The following EAF1 variants were observed in gnomAD, a reference collection of about 807,000 sequenced individuals.
The protein encoded by EAF1 is ELL-associated factor 1.
EAF1 carries 19 observed loss-of-function variants against 26.6 expected under a neutral mutation model. The ratio of observed to expected loss-of-function variants is 0.71; its 90% confidence interval spans 0.50 to 1.05. The LOEUF (loss-of-function observed/expected upper bound fraction) is 1.05, where lower values mean the gene tolerates loss of function less well. Among genes scored for constraint, EAF1 ranks in the 50% least tolerant of loss-of-function variants. EAF1 has a pLI of 0.00. For missense variants in EAF1, 260 were observed against 335.5 expected (o/e 0.78, Z 1.76); for synonymous variants, 102 against 120.6 (o/e 0.85, Z 1.01).
rs112439155 is a variant in EAF1 at position 15,436,919 on chromosome 3, A to G, written c.760+344A>G. 6.3e-3 allele frequency among the ~76,000 whole-genome samples: 962 copies of G among 152,242 alleles called. 7 individuals carry two copies. Among genetic ancestry groups the G allele is most frequent in the African/African-American group, 0.022 (903 of 41,540 alleles). On this transcript the variant is annotated intron_variant, in intron 5 of 5. Transcript: ENST00000396842. ...GCCCATTGGTCTTTTTTCTGGAGAC[A>G]GAGTCTCACTCTGTCGCCCAGGCTG...
In EAF1 at chr3:15,440,268, C is replaced by T. The variant is rs1427295010; in HGVS notation, c.*1113C>T. On this transcript the variant is annotated 3_prime_UTR_variant, in exon 6 of 6. Transcript: ENST00000396842. ...TGTACCACTGTTTTGTACCTGACTC[C>T]CTGACCGATTTGTATTTTTTATATA... 6.6e-6 allele frequency: 1 copy of T among 152,100 alleles called. No homozygotes were observed. Among genetic ancestry groups the T allele is most frequent in the Non-Finnish European group, 1.5e-5 (1 of 68,020 alleles). 9.4% of individuals were successfully genotyped at this position (152,100 alleles called of 1,614,324 possible).
rs17041129 is a variant in EAF1, at chr3:15,439,219, C to T, written c.*64C>T. 79,430 of 1,538,086 alleles carry T rather than the reference C, an allele frequency of 0.052. 2,402 individuals are homozygous for T. Among genetic ancestry groups the T allele is most frequent in the African/African-American group, 0.13 (9,152 of 73,040 alleles). The stretch of plus-strand genomic sequence containing the variant: ...ATGCCGCAAGACTGAGCTACTTTGG[C>T]GTGGAGTCCATTGCAAGAGGAAAAT... On this transcript the variant is annotated 3_prime_UTR_variant, in exon 6 of 6. Coordinates refer to ENST00000396842, the MANE Select transcript of EAF1 (RefSeq NM_033083.7).
chr3:15,433,461 G>T lies in EAF1; in HGVS notation c.336-887G>T, dbSNP rs2061814442. ...GGAACTAACAGTATCATATTACCTA[G>T]ATGATATGCAGAATCTCAACACCTA... On this transcript the variant is annotated intron_variant, in intron 3 of 5. Transcript: ENST00000396842. Among the ~76,000 whole-genome samples the T allele has an allele frequency of 1.3e-5, 2 of 152,162 alleles. 1 individual carries two copies. Among genetic ancestry groups the T allele is most frequent in the South Asian group, 4.1e-4 (2 of 4,832 alleles).
At chr3:15,431,878 C>T (rs550517452) in intron 2 of EAF1, among the ~76,000 whole-genome samples, 3 of 152,308 alleles carry the variant, frequency 2.0e-5, no homozygotes, top group East Asian at 3.9e-4. Flanking sequence ...TTACTTAGAA[C>T]GCGTTGCACA....
rs781773646 is a variant in EAF1, at chr3:15,429,934, T to C, written c.125T>C (p.Ile42Thr). The C allele has an allele frequency of 3.1e-6, 5 of 1,613,512 alleles. No homozygotes were observed. The South Asian group carries it at 4.4e-5, about 14-fold the overall frequency. The change falls in exon 2 of 6, where the codon ATA becomes ACA. Residue 42 changes from isoleucine to threonine, a missense_variant. By Grantham distance (89) the Ile-to-Thr change is moderately conservative. Coordinates refer to ENST00000396842, the MANE Select transcript of EAF1 (RefSeq NM_033083.7). ...TTAGATGATTTTAAACCAGCATCTATAGACACTTCCTGTGAAGGAGAGCTT... is the reference window on the plus strand; with the variant it reads ...TTAGATGATTTTAAACCAGCATCTACAGACACTTCCTGTGAAGGAGAGCTT... ...TIRYDFKPAS[I>T]DTSCEGELQV...
chr3:15,433,397 A>C (rs1196687768), intron 3 of EAF1, among the ~76,000 whole-genome samples: 1 of 152,032 alleles, frequency 6.6e-6, no homozygotes, highest in Non-Finnish European at 1.5e-5. Flanking sequence ...CCAATATCTG[A>C]TGGTTGTGGT....
chr3:15,437,682 C>T (rs2061843707), intron 5 of EAF1, among the ~76,000 whole-genome samples: 1 of 152,138 alleles, frequency 6.6e-6, no homozygotes, highest in Non-Finnish European at 1.5e-5. Context: ...ATTTTCTATG[C>T]TTTTCTCTTT....
chr3:15,431,318 G>C (rs1253382374), intron 2 of EAF1, among the ~76,000 whole-genome samples: 2 of 152,186 alleles, frequency 1.3e-5, no homozygotes, highest in African/African-American at 4.8e-5. Context: ...ATCAGGGACA[G>C]CTTCCTTAAG....
At chr3:15,430,684 A>G (rs572967519) in intron 2 of EAF1, among the ~76,000 whole-genome samples, 3 of 152,248 alleles carry the variant, frequency 2.0e-5, no homozygotes, top group Middle Eastern at 3.4e-3. Flanking sequence ...GCAGGCAGGA[A>G]CCACAGGTGT....
In EAF1 at chr3:15,434,359, G is replaced by A; in HGVS notation, c.347G>A (p.Ser116Asn). The A allele has an allele frequency of 1.2e-6, 2 of 1,614,108 alleles. No homozygotes were observed. The highest frequency in any genetic ancestry group is 1.7e-6 in the Non-Finnish European group (2 of 1,179,962). Residue 116 changes from serine (S) to asparagine (N), a missense_variant, in exon 4 of 6, where the codon AGC (serine) becomes AAC (asparagine). Physicochemically the swap from Ser to Asn is conservative, Grantham distance 46. Coordinates refer to ENST00000396842, the MANE Select transcript of EAF1 (RefSeq NM_033083.7). ...IQVKKTRAEG[S>N]SKIQARMEQQ... ...GTATCTCCTTTCAGAGCTGAGGGCA[G>A]CAGTAAAATCCAGGCCCGAATGGAA... is the stretch of plus-strand genomic sequence containing the variant.
At position 15,439,266 on chromosome 3, in the gene EAF1, T is replaced by G. The variant is rs1335700484; in HGVS notation, c.*111T>G. The G allele has an allele frequency of 2.8e-6, 3 of 1,071,376 alleles. No homozygotes were observed. Among genetic ancestry groups the G allele is most frequent in the Non-Finnish European group, 4.1e-6 (3 of 726,692 alleles). The allele number at this position is 1,071,376 out of a possible 1,614,324, so 66.4% of individuals were successfully genotyped here. ...AAATGTTATGGATCAGTGACTGTAG[T>G]AGGAGTTTGAGGCTCTGGAACTCTC... On this transcript the variant is annotated 3_prime_UTR_variant, in exon 6 of 6. Transcript: ENST00000396842.
rs1434086970 is a variant in EAF1 at position 15,432,209 on chromosome 3, G to A, written c.321G>A (p.Gln107=). 6.2e-7 allele frequency: 1 copy of A among 1,614,060 alleles called. No homozygotes were observed. Among genetic ancestry groups the A allele is most frequent in the Non-Finnish European group, 8.5e-7 (1 of 1,179,990 alleles). ...TGGAAAAACTCAGTAGCAGCATTCA[G>A]GTGAAGAAAACAAGGTATGTGAATA... ...YVLEKLSSSI[Q]VKKTRAEGSS... is the part of the protein sequence containing the mutation. The change falls in exon 3 of 6, where the codon CAG becomes CAA. Residue 107 remains glutamine (Q), a synonymous_variant. Transcript: ENST00000396842.
At chr3:15,434,993 G>A (rs569906752) in intron 4 of EAF1, among the ~76,000 whole-genome samples, 4 of 152,296 alleles carry the variant, frequency 2.6e-5, no homozygotes, top group South Asian at 4.1e-4. Flanking sequence ...CAGGAGGATC[G>A]CTTGAAGTTG....
intron 1 of EAF1, among the ~76,000 whole-genome samples, chr3:15,428,216 C>T (rs1398919454): frequency 1.3e-5 from 2 of 151,242 alleles, no homozygotes; most frequent in African/African-American, 2.4e-5. Context: ...AAACCTCCCC[C>T]CTCTTATCCG....
In EAF1 at chr3:15,440,661, A is replaced by G. The variant is rs1010466630; in HGVS notation, c.*1506A>G. On this transcript the variant is annotated 3_prime_UTR_variant, in exon 6 of 6. Coordinates refer to ENST00000396842, the MANE Select transcript of EAF1 (RefSeq NM_033083.7). ...ACTTCATAGAGTCAACTGTTTCATC[A>G]TCATAGTGAGCCCAGAGAGCCACTG... 3 of 152,584 alleles carry G rather than the reference A, an allele frequency of 2.0e-5. No individual in the cohort carries two copies. The allele number at this position is 152,584 out of a possible 1,614,324, so 9.5% of individuals were successfully genotyped here.
chr3:15,432,278 A>G (rs2061806587), intron 3 of EAF1, 55 bp downstream of exon 3: 9 of 1,597,246 alleles, frequency 5.6e-6, no homozygotes, highest in Admixed American at 1.7e-5. Flanking sequence ...TCTGTTATCT[A>G]TTCAGTTTTT....
intron 2 of EAF1, among the ~76,000 whole-genome samples, chr3:15,431,825 T>C (rs776264212): frequency 1.3e-5 from 2 of 152,232 alleles, no homozygotes; most frequent in Non-Finnish European, 2.9e-5. Context: ...TTTTCTCTCT[T>C]GGAACGTATA....
chr3:15,429,892 C>T (rs1193758940), intron 1 of EAF1, 21 bp from the exon 2 acceptor site: 2 of 1,568,682 alleles, frequency 1.3e-6, no homozygotes, highest in East Asian at 2.2e-5. Context: ...TGGGTAAGTG[C>T]TTTTTTTCCT....
intron 2 of EAF1, among the ~76,000 whole-genome samples, chr3:15,430,398 T>C (rs1418460418): frequency 6.7e-6 from 1 of 148,834 alleles, no homozygotes; most frequent in Non-Finnish European, 1.5e-5. Flanking sequence ...AGGTAGAGGT[T>C]GCAGTAAACC....
Sources: allele counts gnomAD v4.1 joint callset (sites outside exome capture counted in the v4.1 genomes callset), GRCh38; gene constraint gnomAD v4.1.1; transcripts MANE v1.5; gene names NCBI Gene and HGNC (gene_info 2026-07-23, HGNC 2026-07-21).